The following MFSD1 variants were observed in gnomAD, a reference collection of about 807,000 sequenced individuals.
The protein encoded by MFSD1 is lysosomal dipeptide transporter MFSD1.
Under a neutral mutation model 67.1 loss-of-function variants are expected in MFSD1, and 59 were observed. The observed-to-expected ratio is 0.88, with a 90% CI of 0.71 to 1.09. MFSD1 has a LOEUF of 1.09. Among genes scored for constraint, MFSD1 ranks in the 50% least tolerant of loss-of-function variants. The pLI, the probability that MFSD1 is intolerant of heterozygous loss-of-function variation, is 0.00. For missense variants in MFSD1, 552 were observed against 566.1 expected, an observed-to-expected ratio of 0.97 and a Z score of 0.25; for synonymous variants, 213 against 200.3, an observed-to-expected ratio of 1.06 and a Z score of -0.54.
rs148047426 is a variant in MFSD1 at position 158,826,097 on chromosome 3, G to A, written c.1336+35G>A. 3.0e-4 allele frequency: 480 copies of A among 1,583,050 alleles called. No homozygotes were observed. In the African/African-American group the frequency reaches 5.1e-3, roughly 17 times the overall value. On this transcript the variant is annotated intron_variant, in intron 14 of 15. Coordinates refer to ENST00000415822, the MANE Select transcript of MFSD1 (RefSeq NM_022736.4). ...AGATCTGATATTTGCTTCTTAAACC[G>A]CAGTGGATCATCTTGTGGGGTCTCT...
At chr3:158,808,892 G>A (rs1729858855) in intron 5 of MFSD1, 2 of 297,826 alleles carry the variant, frequency 6.7e-6, no homozygotes. Flanking sequence ...TCTCTTTGTG[G>A]TTTGCTGTCT....
chr3:158,805,557 G>A, intron 3 of MFSD1, 83 bp downstream of exon 3: 1 of 1,056,246 alleles, frequency 9.5e-7, no homozygotes, highest in Non-Finnish European at 1.5e-6. Context: ...TCTAGAAAGA[G>A]CTGAATAAAC....
intron 9 of MFSD1, among the ~76,000 whole-genome samples, chr3:158,820,938 A>T (rs1392636899): frequency 3.3e-5 from 5 of 152,178 alleles, no homozygotes; most frequent in Non-Finnish European, 7.3e-5. Context: ...TTTGATTCAT[A>T]ATATTGATTT....
At chr3:158,807,220 C>G (rs1729774984) in intron 4 of MFSD1, 138 bp downstream of exon 4, 3 of 953,528 alleles carry the variant, frequency 3.1e-6, no homozygotes, top group Non-Finnish European at 3.3e-6. Context: ...GTGATATAAT[C>G]CATAGTCTAT....
intron 1 of MFSD1, among the ~76,000 whole-genome samples, chr3:158,803,596 A>C (rs555782903): frequency 6.6e-6 from 1 of 152,256 alleles, no homozygotes; most frequent in South Asian, 2.1e-4. Flanking sequence ...GACAGTTTTT[A>C]TTGTCATTAG....
At chr3:158,821,038 G>C (rs2108229444) in intron 9 of MFSD1, among the ~76,000 whole-genome samples, 1 of 152,202 alleles carries the variant, frequency 6.6e-6, no homozygotes, top group South Asian at 2.1e-4. Flanking sequence ...CTGTTTATTG[G>C]TGCACTGTGC....
In MFSD1 at chr3:158,829,546, C is replaced by A. The variant is rs1017215678; in HGVS notation, c.*564C>A. ...AGTTATGTGGATTGCCGAGCAATGA[C>A]CCTTTTCAATTTCTTATTTCTGTGT... On this transcript the variant is annotated 3_prime_UTR_variant, in exon 16 of 16. Coordinates refer to ENST00000415822, the MANE Select transcript of MFSD1 (RefSeq NM_022736.4). 5 of 152,168 alleles carry A rather than the reference C, an allele frequency of 3.3e-5. No individual in the cohort carries two copies. The highest frequency in any genetic ancestry group is 6.5e-5 in the Admixed American group (1 of 15,270). The allele number at this position is 152,168 out of a possible 1,614,324, so 9.4% of individuals were successfully genotyped here.
Position 158,823,483 on chromosome 3 carries a change from C to A in MFSD1, c.1133C>A (p.Ala378Glu). The A allele has an allele frequency of 6.2e-7, 1 of 1,613,784 alleles. No individual in the cohort carries two copies. Among genetic ancestry groups the A allele is most frequent in the Middle Eastern group, 1.6e-4 (1 of 6,062 alleles). ...GCCTGTGCATTGTGGCCAATGGTGG[C>A]ATTTGTAGTTCCTGAACATCAGCTG... ...LLACALWPMV[A>E]FVVPEHQLGT... Residue 378 changes from alanine to glutamate, a missense_variant, in exon 12 of 16, where the codon GCA becomes GAA. Ala to Glu is a moderately radical substitution (Grantham distance 107). Coordinates refer to ENST00000415822, the MANE Select transcript of MFSD1 (RefSeq NM_022736.4).
intron 2 of MFSD1, 72 bp from the exon 3 acceptor site, chr3:158,805,290 G>C: frequency 8.4e-7 from 1 of 1,187,872 alleles, no homozygotes; most frequent in Non-Finnish European, 1.3e-6. Context: ...ACTTTAGATT[G>C]TCATATTTTG....
Position 158,829,072 on chromosome 3 carries a change from GA to G in MFSD1, c.*96del, listed in dbSNP as rs1192897536. 3 of 1,267,348 alleles carry G rather than the reference GA, an allele frequency of 2.4e-6. No homozygotes were observed. Among genetic ancestry groups the G allele is most frequent in the East Asian group, 2.5e-5 (1 of 40,766 alleles). 78.5% of individuals were successfully genotyped at this position (1,267,348 alleles called of 1,614,324 possible). ...TTAAAAATTTAGAGTTTAGTCATTAGAAAAAATAATGGACTGGAAAGTTATA... is the reference window on the plus strand; with the variant it reads ...TTAAAAATTTAGAGTTTAGTCATTAGAAAAATAATGGACTGGAAAGTTATA... On this transcript the variant is annotated 3_prime_UTR_variant, in exon 16 of 16. Transcript: ENST00000415822.
In MFSD1 at chr3:158,823,430, T is replaced by C; in HGVS notation, c.1080T>C (p.Cys360=). 2 of 1,610,824 alleles carry C rather than the reference T, an allele frequency of 1.2e-6. No homozygotes were observed. Among genetic ancestry groups the C allele is most frequent in the Non-Finnish European group, 8.5e-7 (1 of 1,176,986 alleles). Reference sequence around the variant, plus strand: ...CTTTTCTGCGTTGCTTTCTGTAGTGTCTTCTGGGACTCTCCTACTCATTGC... The same window carrying C: ...CTTTTCTGCGTTGCTTTCTGTAGTGCCTTCTGGGACTCTCCTACTCATTGC... ...FTMWNPWIAM[C]LLGLSYSLLA... is the part of the protein sequence containing the mutation. The change falls in exon 12 of 16, where the codon TGT becomes TGC. Residue 360 remains cysteine, a splice_region_variant and synonymous_variant. Transcript: ENST00000415822.
chr3:158,812,229 C>T (rs1199853752), intron 6 of MFSD1, among the ~76,000 whole-genome samples: 1 of 152,174 alleles, frequency 6.6e-6, no homozygotes, highest in Non-Finnish European at 1.5e-5. Context: ...GAGGTAAACC[C>T]AGGACCTCTG....
chr3:158,809,418 A>G (rs1729892327), intron 6 of MFSD1, 131 bp downstream of exon 6: 3 of 592,234 alleles, frequency 5.1e-6, no homozygotes, highest in Non-Finnish European at 5.8e-6. Flanking sequence ...GGATTTCTCT[A>G]GAACACAGCA....
At chr3:158,812,315 A>G (rs1252369729) in intron 6 of MFSD1, among the ~76,000 whole-genome samples, 3 of 152,210 alleles carry the variant, frequency 2.0e-5, no homozygotes, top group Non-Finnish European at 2.9e-5. Context: ...CAGCAGCCCT[A>G]TAATGGAATA....
rs1251076020 is a variant in MFSD1 at position 158,828,494 on chromosome 3, C to T, written c.1395-485C>T. 2.6e-5 allele frequency among the ~76,000 whole-genome samples: 4 copies of T among 151,906 alleles called. No homozygotes were observed. The East Asian group carries it at 7.7e-4, about 29-fold the overall frequency. On this transcript the variant is annotated intron_variant, in intron 15 of 15. Transcript: ENST00000415822. ...TATTATGTTAAAAGTTTGGAAACAA[C>T]ATAAATGTCTTAGAGTAGGGAAAAT...
intron 6 of MFSD1, among the ~76,000 whole-genome samples, chr3:158,811,128 G>A (rs1167882956): frequency 6.6e-6 from 1 of 152,166 alleles, no homozygotes; most frequent in African/African-American, 2.4e-5. Context: ...TTCTTTTGAT[G>A]ACAGAGCTAC....
At chr3:158,805,234 T>TA in intron 2 of MFSD1, 128 bp from the exon 3 acceptor site, 46 of 751,236 alleles carry the variant, frequency 6.1e-5, no homozygotes, top group Non-Finnish European at 7.9e-5. Context: ...TATAAATGGT[T>TA]AAAAAAAACT....
At chr3:158,803,356 T>C (rs1269200364) in intron 1 of MFSD1, among the ~76,000 whole-genome samples, 4 of 151,944 alleles carry the variant, frequency 2.6e-5, no homozygotes. Flanking sequence ...AACTCCTTTT[T>C]CCCCCCTCCC....
intron 13 of MFSD1, 166 bp downstream of exon 13, chr3:158,824,402 G>T: frequency 1.7e-6 from 1 of 595,114 alleles, no homozygotes; most frequent in African/African-American, 1.9e-5. Context: ...TTTTTTAGGA[G>T]ATTCCTATCC....
Sources: gnomAD v4.1 joint callset for allele counts (sites outside exome capture counted in the v4.1 genomes callset) on GRCh38, gnomAD v4.1.1 for gene constraint, MANE v1.5 for transcripts, NCBI Gene and HGNC (gene_info 2026-07-23, HGNC 2026-07-21) for gene names.